The following RCC1 variants were observed in gnomAD, a reference collection of about 807,000 sequenced individuals.
RCC1 encodes the protein regulator of chromosome condensation.
Under a neutral mutation model 44.4 loss-of-function variants are expected in RCC1, and 11 were observed. The observed-to-expected ratio is 0.25, with a 90% CI of 0.16 to 0.41. The LOEUF is 0.41. Ranked by LOEUF, RCC1 falls within the 10% of genes least tolerant of loss-of-function variation. The pLI is 1.00. For missense variants in RCC1, 386 were observed against 547.1 expected (o/e 0.71, Z 2.94); for synonymous variants, 213 against 216.5 (o/e 0.98, Z 0.14).
chr1:28,532,406 G>A (rs1664236321), intron 7 of RCC1, 56 bp downstream of exon 7: 2 of 1,589,342 alleles, frequency 1.3e-6, no homozygotes, highest in African/African-American at 2.7e-5. Context: ...TAATTGGCGG[G>A]GCCCCAAAGA....
intron 3 of RCC1, among the ~76,000 whole-genome samples, chr1:28,515,523 C>T (rs1227603146): frequency 6.6e-6 from 1 of 151,368 alleles, no homozygotes; most frequent in Non-Finnish European, 1.5e-5. Context: ...TCAAGACCGG[C>T]CTGGCCAACA....
chr1:28,506,061 C>T lies in RCC1; in HGVS notation c.-285C>T, dbSNP rs1215603792. ...TCTCTCTCCTTTTTGGAGACAGATT[C>T]GCAGTGGTCGCTTCTTCTCCTTGGT... On this transcript the variant is annotated 5_prime_UTR_variant, in exon 1 of 13. Coordinates refer to ENST00000683442, the MANE Select transcript of RCC1 (RefSeq NM_001381865.2). The T allele has an allele frequency of 6.6e-6, 3 of 455,952 alleles. No homozygotes were observed. The highest frequency in any genetic ancestry group is 2.4e-5 in the Admixed American group (1 of 42,548). 28.2% of individuals were successfully genotyped at this position (455,952 alleles called of 1,614,324 possible).
intron 1 of RCC1, chr1:28,507,600 CTTTTTTTTTT>C (rs34452349): frequency 3.2e-5 from 11 of 348,082 alleles, no homozygotes; most frequent in South Asian, 1.8e-4. Context: ...GGATTGAAGT[CTTTTTTTTTT>C]TTTTTTTTTT....
chr1:28,526,614 G>C, intron 4 of RCC1: 1 of 525,630 alleles, frequency 1.9e-6, no homozygotes, highest in Non-Finnish European at 3.5e-6. Flanking sequence ...CAAAGGATAG[G>C]GCTGGGCGCG....
At chr1:28,513,221 TAGAGATGGGGTTTGCG>T (rs985083350) in intron 3 of RCC1, among the ~76,000 whole-genome samples, 71 of 151,890 alleles carry the variant, frequency 4.7e-4, no homozygotes, top group Admixed American at 1.4e-3. Flanking sequence ...GTATTTTTAG[TAGAGATGGGGTTTGCG>T]CGGCTGAAGT....
intron 5 of RCC1, chr1:28,530,393 C>G: frequency 1.4e-6 from 1 of 729,916 alleles, no homozygotes. Context: ...GGCCTGGCAG[C>G]ATTTGAGGGA....
At chr1:28,515,408 AGT>A (rs1296831138) in intron 3 of RCC1, among the ~76,000 whole-genome samples, 1 of 151,882 alleles carries the variant, frequency 6.6e-6, no homozygotes, top group East Asian at 1.9e-4. Context: ...TGGATGACAG[AGT>A]GAGACTCTTG....
chr1:28,512,229 G>A (rs1268995036), intron 3 of RCC1, among the ~76,000 whole-genome samples: 16 of 66,850 alleles, frequency 2.4e-4, no homozygotes, highest in Admixed American at 1.7e-3. Context: ...GATCCACCAC[G>A]CCCGGCAGAG....
At position 28,531,899 on chromosome 1, in the gene RCC1, G is replaced by C. The variant is rs1458985171; in HGVS notation, c.170G>C (p.Arg57Thr). Residue 57 changes from arginine to threonine, a missense_variant, in exon 6 of 13, where the codon AGG becomes ACG. Arg to Thr is a moderately conservative substitution (Grantham distance 71, BLOSUM62 -1). Transcript: ENST00000683442. ...GGGCTGGGTGAGAATGTGATGGAGA[G>C]GAAGAAGCCGGCCCTGGTATCCATT... ...QLGLGENVME[R>T]KKPALVSIPE... 3 of 1,609,826 alleles carry C rather than the reference G, an allele frequency of 1.9e-6. No individual in the cohort carries two copies. Among genetic ancestry groups the C allele is most frequent in the South Asian group, 2.2e-5 (2 of 90,414 alleles).
chr1:28,515,524 C>T (rs1662844349), intron 3 of RCC1, among the ~76,000 whole-genome samples: 1 of 151,310 alleles, frequency 6.6e-6, no homozygotes, highest in African/African-American at 2.4e-5. Context: ...CAAGACCGGC[C>T]TGGCCAACAT....
intron 4 of RCC1, among the ~76,000 whole-genome samples, chr1:28,519,225 T>C (rs1663122182): frequency 6.6e-6 from 1 of 152,126 alleles, no homozygotes; most frequent in Non-Finnish European, 1.5e-5. Context: ...GTATAGGTAT[T>C]GTGGTCAGGG....
chr1:28,531,152 C>T (rs1664136264), intron 5 of RCC1, among the ~76,000 whole-genome samples: 1 of 151,688 alleles, frequency 6.6e-6, no homozygotes, highest in Non-Finnish European at 1.5e-5. Context: ...TCGCTTGAAC[C>T]CGGGAGGCAG....
At chr1:28,511,073 C>A (rs573081184) in intron 3 of RCC1, among the ~76,000 whole-genome samples, 2 of 152,244 alleles carry the variant, frequency 1.3e-5, no homozygotes, top group South Asian at 2.1e-4. Flanking sequence ...TTTAGACTTT[C>A]CAAACAGGCA....
chr1:28,511,339 T>C (rs184863617), intron 3 of RCC1, among the ~76,000 whole-genome samples: 2 of 152,258 alleles, frequency 1.3e-5, no homozygotes, highest in East Asian at 3.8e-4. Context: ...TGATCACTTA[T>C]TAAATAACAT....
At chr1:28,512,875 AG>A (rs772748871) in intron 3 of RCC1, among the ~76,000 whole-genome samples, 5 of 152,046 alleles carry the variant, frequency 3.3e-5, no homozygotes, top group Non-Finnish European at 4.4e-5. Flanking sequence ...GCTCACTGCA[AG>A]CTCCGCCTCC....
At position 28,536,415 on chromosome 1, in the gene RCC1, T is replaced by C. The variant is rs762255178; in HGVS notation, c.937+34T>C. 1.2e-6 allele frequency: 2 copies of C among 1,606,084 alleles called. No individual in the cohort carries two copies. Among genetic ancestry groups the C allele is most frequent in the Non-Finnish European group, 1.7e-6 (2 of 1,177,380 alleles). On this transcript the variant is annotated intron_variant, in intron 11 of 12. Coordinates refer to ENST00000683442, the MANE Select transcript of RCC1 (RefSeq NM_001381865.2). This position sits in a 1 kb window ranked among gnomAD's most constrained non-coding sequence, Gnocchi z 4.9. ...TTTACGTCCTTCTCTAGTTTGGGGG[T>C]GGAGTGTTCCCTGGCCTAGGCCTAG...
intron 4 of RCC1, chr1:28,518,034 T>C (rs1249306937): frequency 1.3e-5 from 2 of 151,934 alleles, no homozygotes; most frequent in Non-Finnish European, 2.9e-5. Context: ...TGGTTGTTAG[T>C]CCACGTGTCC....
chr1:28,532,070 T>C (rs952640512), intron 6 of RCC1, 80 bp downstream of exon 6: 3 of 1,563,186 alleles, frequency 1.9e-6, no homozygotes, highest in South Asian at 2.4e-5. Flanking sequence ...ACCACGCATG[T>C]TCACTGTGGA....
rs760969624 is a variant in RCC1 at position 28,537,834 on chromosome 1, C to T, written c.1093C>T (p.Arg365Cys). 10 of 1,611,188 alleles carry T rather than the reference C, an allele frequency of 6.2e-6. No homozygotes were observed. Among genetic ancestry groups the T allele is most frequent in the Non-Finnish European group, 7.6e-6 (9 of 1,179,100 alleles). ...GTACCCATTTCTCTCTCTTGCAGGT[C>T]GTGTTTTCGCCTGGGGCATGGGCAC... ...SVGYAVTKDG[R>C]VFAWGMGTNY... The change falls in exon 13 of 13, where the codon CGT becomes TGT. Residue 365 changes from arginine (R) to cysteine (C), a missense_variant and splice_region_variant. Arg to Cys is a radical substitution (Grantham distance 180). Transcript: ENST00000683442.
Sources: gnomAD v4.1 joint callset for allele counts (sites outside exome capture counted in the v4.1 genomes callset) on GRCh38, gnomAD v4.1.1 for gene constraint, Gnocchi (gnomAD v3.1) non-coding constraint, MANE v1.5 for transcripts, NCBI Gene and HGNC (gene_info 2026-07-23, HGNC 2026-07-21) for gene names.